GOLGA4: variants seen among roughly 807,000 people sequenced by gnomAD.
GOLGA4 encodes the protein golgin A4.
GOLGA4 carries 169 observed loss-of-function variants against 265.9 expected under a neutral mutation model. The ratio of observed to expected loss-of-function variants is 0.64; its 90% CI spans 0.56 to 0.72. The LOEUF (loss-of-function observed/expected upper bound fraction) is 0.72. Among genes scored for constraint, GOLGA4 ranks in the 30% least tolerant of loss-of-function variants. The pLI is 0.00. For missense variants in GOLGA4, 2,482 were observed against 2,483.4 expected, an observed-to-expected ratio of 1.00 and a Z score of 0.01; for synonymous variants, 923 against 855.8, an observed-to-expected ratio of 1.08 and a Z score of -1.37.
chr3:37,244,834 C>G (rs552232811), intron 1 of GOLGA4, among the ~76,000 whole-genome samples: 1 of 152,158 alleles, frequency 6.6e-6, no homozygotes, highest in South Asian at 2.1e-4. Context: ...AAAGATTGTC[C>G]TTTTCATACC....
chr3:37,331,630 A>G (rs2096990728), intron 16 of GOLGA4, among the ~76,000 whole-genome samples: 1 of 152,124 alleles, frequency 6.6e-6, no homozygotes, highest in Non-Finnish European at 1.5e-5. Context: ...CAGATTTATG[A>G]TTTGTCTCAG....
chr3:37,291,178 CTT>C (rs2096863663), intron 5 of GOLGA4, among the ~76,000 whole-genome samples: 1 of 152,094 alleles, frequency 6.6e-6, no homozygotes, highest in Non-Finnish European at 1.5e-5. Flanking sequence ...GATGAATCCT[CTT>C]TAAAACATTC....
At chr3:37,283,489 G>C (rs551464850) in intron 3 of GOLGA4, among the ~76,000 whole-genome samples, 1 of 152,196 alleles carries the variant, frequency 6.6e-6, no homozygotes, top group South Asian at 2.1e-4. Context: ...TAGTATTTAC[G>C]TATGCTAGAT....
In GOLGA4 at chr3:37,343,373, G is replaced by A. The variant is rs183551279; in HGVS notation, c.6472+3174G>A. 3.4e-3 allele frequency among the ~76,000 whole-genome samples: 518 copies of A among 152,138 alleles called. 4 individuals carry two copies. Among genetic ancestry groups the A allele is most frequent in the Non-Finnish European group, 4.0e-3 (273 of 67,980 alleles). On this transcript the variant is annotated intron_variant, in intron 20 of 23. Transcript: ENST00000361924. Reference sequence around the variant, plus strand: ...TGACCTCGGGTGATCCGCCTGCCTCGGCCTCCCAAAGTGCTGGGATTACAG... The same window carrying A: ...TGACCTCGGGTGATCCGCCTGCCTCAGCCTCCCAAAGTGCTGGGATTACAG...
intron 19 of GOLGA4, among the ~76,000 whole-genome samples, chr3:37,339,611 T>C (rs930714856): frequency 1.3e-5 from 2 of 152,260 alleles, no homozygotes; most frequent in Non-Finnish European, 2.9e-5. Flanking sequence ...CGTTGTGGTT[T>C]TAATTTGCAT....
Position 37,298,953 on chromosome 3 carries a change from T to C in GOLGA4, c.935T>C (p.Leu312Ser). 1 of 1,609,250 alleles carries C rather than the reference T, an allele frequency of 6.2e-7. No homozygotes were observed. The highest frequency in any genetic ancestry group is 8.5e-7 in the Non-Finnish European group (1 of 1,178,468). The change falls in exon 8 of 24, where the codon TTA becomes TCA. Residue 312 changes from leucine (L) to serine (S), a missense_variant. Leu to Ser is a moderately radical substitution (Grantham distance 145). Coordinates refer to ENST00000361924, the MANE Select transcript of GOLGA4 (RefSeq NM_002078.5). ...TCACATAAGGAACAATGTACACTAT[T>C]AACTAGTGAAAAAGAAGCTCTGCAA... ...IQSHKEQCTL[L>S]TSEKEALQEQ...
chr3:37,282,827 A>G (rs1337868486), intron 3 of GOLGA4, among the ~76,000 whole-genome samples: 1 of 152,228 alleles, frequency 6.6e-6, no homozygotes, highest in Non-Finnish European at 1.5e-5. Flanking sequence ...TAAGGGAGGA[A>G]GGAAGTCAAT....
rs1050148499 is a variant in GOLGA4 at position 37,276,549 on chromosome 3, C to G, written c.163-5409C>G. ...ACCCGTAGTGCTGATGAACCAGTGA[C>G]AACATTTGTTGTCTGTAATGAATGT... is the stretch of plus-strand genomic sequence containing the variant. On this transcript the variant is annotated intron_variant, in intron 2 of 23. Transcript: ENST00000361924. The G allele has an allele frequency of 4.4e-6, 7 of 1,598,864 alleles. No homozygotes were observed. In the African/African-American group the frequency reaches 8.0e-5, roughly 18 times the overall value.
chr3:37,357,435 A>G (rs1454856840), intron 22 of GOLGA4, among the ~76,000 whole-genome samples: 4 of 152,194 alleles, frequency 2.6e-5, no homozygotes, highest in African/African-American at 9.6e-5. Flanking sequence ...ATATCCATTC[A>G]TACATGAATA....
chr3:37,343,517 G>A (rs1463477135), intron 20 of GOLGA4, among the ~76,000 whole-genome samples: 1 of 152,150 alleles, frequency 6.6e-6, no homozygotes, highest in African/African-American at 2.4e-5. Flanking sequence ...CGCGCGGCCT[G>A]GCCAGGCTGG....
chr3:37,250,224 A>G (rs971181234), intron 1 of GOLGA4: 1 of 152,210 alleles, frequency 6.6e-6, no homozygotes, highest in African/African-American at 2.4e-5. Flanking sequence ...CCATTCAGAG[A>G]TTGTAGAAAT....
In GOLGA4 at chr3:37,257,948, TGTATGTATATATGTATATATACATAC is replaced by T. The variant is rs1429223180; in HGVS notation, c.162+6465_162+6490del. 5.4e-4 allele frequency among the ~76,000 whole-genome samples: 59 copies of T among 109,686 alleles called. 5 individuals carry two copies. The highest frequency in any genetic ancestry group is 1.1e-3 in the African/African-American group (29 of 25,378). 72.0% of individuals were successfully genotyped at this position (109,686 alleles called of 152,430 possible). A position where few individuals can be genotyped will look rare whatever the true frequency, so the allele number is the denominator to read the frequency against. ...ATATGTATATATACATACATATATA[TGTATGTATATATGTATATATACATAC>T]ATATATATATGTATGTATATATGTA... is the stretch of plus-strand genomic sequence containing the variant. On this transcript the variant is annotated intron_variant, in intron 2 of 23. Transcript: ENST00000361924.
intron 21 of GOLGA4, 73 bp downstream of exon 21, chr3:37,347,369 G>A (rs2097059671): frequency 2.5e-6 from 2 of 799,424 alleles, no homozygotes; most frequent in Admixed American, 1.9e-5. Context: ...TAATACACAT[G>A]TGAATGCCAT....
chr3:37,243,374 C>A lies in GOLGA4; in HGVS notation c.-177C>A, dbSNP rs905713830. The A allele has an allele frequency of 9.7e-5, 57 of 590,284 alleles. No individual in the cohort carries two copies. Among genetic ancestry groups the A allele is most frequent in the Admixed American group, 2.5e-4 (7 of 28,518 alleles). 36.6% of individuals were successfully genotyped at this position (590,284 alleles called of 1,614,324 possible). A position where few individuals can be genotyped will look rare whatever the true frequency, so the allele number is the denominator to read the frequency against. On this transcript the variant is annotated 5_prime_UTR_variant, in exon 1 of 24. Coordinates refer to ENST00000361924, the MANE Select transcript of GOLGA4 (RefSeq NM_002078.5). ...GAAGAAAGAGACGCGGCGGCGGCGACGCCGACACCCTCAGGACGAGTGTCC... is the reference window on the plus strand; with the variant it reads ...GAAGAAAGAGACGCGGCGGCGGCGAAGCCGACACCCTCAGGACGAGTGTCC...
intron 2 of GOLGA4, among the ~76,000 whole-genome samples, chr3:37,277,154 G>C (rs2096821604): frequency 6.6e-6 from 1 of 152,054 alleles, no homozygotes; most frequent in Non-Finnish European, 1.5e-5. Context: ...CACAAGCTTG[G>C]AATATTAGAT....
chr3:37,247,308 A>T (rs2096722257), intron 1 of GOLGA4, among the ~76,000 whole-genome samples: 1 of 152,184 alleles, frequency 6.6e-6, no homozygotes, highest in African/African-American at 2.4e-5. Flanking sequence ...ACCAGATGTT[A>T]GTTATGAACA....
In GOLGA4 at chr3:37,292,611, G is replaced by A. The variant is rs368311120; in HGVS notation, c.583-2368G>A. 1.2e-4 allele frequency among the ~76,000 whole-genome samples: 19 copies of A among 152,236 alleles called. No homozygotes were observed. The South Asian group carries it at 2.3e-3, about 18-fold the overall frequency. On this transcript the variant is annotated intron_variant, in intron 5 of 23. Coordinates refer to ENST00000361924, the MANE Select transcript of GOLGA4 (RefSeq NM_002078.5). ...TGAGGCAGGAGAATCACTTGAACCC[G>A]GGAGGTGGAGTTTGGCAGTGAGCCT... is the stretch of plus-strand genomic sequence containing the variant.
chr3:37,348,973 G>T (rs939519032), intron 21 of GOLGA4, among the ~76,000 whole-genome samples: 1 of 152,114 alleles, frequency 6.6e-6, no homozygotes, highest in South Asian at 2.1e-4. Flanking sequence ...AGCTGAAAGG[G>T]ATGTCCCATG....
At chr3:37,358,289 T>G (rs2097095607) in intron 22 of GOLGA4, among the ~76,000 whole-genome samples, 1 of 152,200 alleles carries the variant, frequency 6.6e-6, no homozygotes, top group African/African-American at 2.4e-5. Context: ...GTGAGGTACT[T>G]TTCAATATAT....
Sources: gnomAD v4.1 joint callset for allele counts (sites outside exome capture counted in the v4.1 genomes callset) on GRCh38, gnomAD v4.1.1 for gene constraint, MANE v1.5 for transcripts, NCBI Gene and HGNC (gene_info 2026-07-23, HGNC 2026-07-21) for gene names.